The following KAZN variants were observed in gnomAD, a reference collection of about 807,000 sequenced individuals.
The protein encoded by KAZN is kazrin, periplakin interacting protein.
Under a neutral mutation model 87.4 loss-of-function variants are expected in KAZN, and 40 were observed. The observed-to-expected ratio is 0.46, with a 90% confidence interval of 0.36 to 0.60. KAZN has a LOEUF of 0.60. Among genes scored for constraint, KAZN ranks in the 20% least tolerant of loss-of-function variants. KAZN has a pLI of 0.00. For synonymous variants in KAZN, 466 were observed against 458.3 expected (o/e 1.02, Z -0.22); for missense variants, 898 against 1,073.9 (o/e 0.84, Z 2.29).
intron 2 of KAZN, among the ~76,000 whole-genome samples, chr1:14,513,368 A>C (rs1671020369): frequency 1.3e-5 from 2 of 152,088 alleles, no homozygotes; most frequent in Non-Finnish European, 1.5e-5. Flanking sequence ...TTGTTGATAG[A>C]CTTCTGTTTA....
intron 2 of KAZN, among the ~76,000 whole-genome samples, chr1:14,525,892 A>C (rs1017679218): frequency 2.0e-5 from 3 of 152,240 alleles, no homozygotes; most frequent in Non-Finnish European, 2.9e-5. Flanking sequence ...TATCTCAGCT[A>C]AGAAGCTGAA....
rs1639237867 is a variant in KAZN, at chr1:15,066,523, A to G, written c.1222+770A>G. 1 of 985,360 alleles carries G rather than the reference A, an allele frequency of 1.0e-6. No homozygotes were observed. Among genetic ancestry groups the G allele is most frequent in the Non-Finnish European group, 1.2e-6 (1 of 829,936 alleles). The allele number at this position is 985,360 out of a possible 1,614,324, so 61.0% of individuals were successfully genotyped here. A position where few individuals can be genotyped will look rare whatever the true frequency, so the allele number is the denominator to read the frequency against. ...TCAAACCGGCTCTTTTAAACGGCCT[A>G]CCAGTTTTTAAATTGCATTGCCGTT... On this transcript the variant is annotated intron_variant, in intron 8 of 14. Transcript: ENST00000376030. This position sits in a 1 kb window ranked among gnomAD's most constrained non-coding sequence, Gnocchi z 4.3.
intron 2 of KAZN, among the ~76,000 whole-genome samples, chr1:14,499,160 A>G (rs938138835): frequency 1.3e-5 from 2 of 152,066 alleles, no homozygotes; most frequent in Non-Finnish European, 2.9e-5. Context: ...CAAAGTGGAC[A>G]TCGGGTGACT....
chr1:14,522,994 C>T (rs1400858332), intron 2 of KAZN, among the ~76,000 whole-genome samples: 1 of 152,140 alleles, frequency 6.6e-6, no homozygotes, highest in Non-Finnish European at 1.5e-5. Flanking sequence ...GCCTGTAATT[C>T]CCCCAACTCC....
intron 2 of KAZN, among the ~76,000 whole-genome samples, chr1:14,329,183 C>T (rs377670910): frequency 1.3e-5 from 2 of 152,154 alleles, no homozygotes; most frequent in African/African-American, 2.4e-5. Flanking sequence ...GGATGTTCTT[C>T]CCACAAGAAA....
At chr1:14,163,611 T>G (rs575519128) in intron 1 of KAZN, among the ~76,000 whole-genome samples, 1 of 152,126 alleles carries the variant, frequency 6.6e-6, no homozygotes, top group African/African-American at 2.4e-5. Context: ...CAGCTTCAGG[T>G]GTTTTCTATG....
intron 1 of KAZN, among the ~76,000 whole-genome samples, chr1:13,983,191 G>A (rs1288933529): frequency 6.6e-6 from 1 of 152,234 alleles, no homozygotes; most frequent in Non-Finnish European, 1.5e-5. Context: ...GTGGTCGATG[G>A]GACTGGGTGC....
intron 2 of KAZN, among the ~76,000 whole-genome samples, chr1:14,362,399 C>T (rs1453414690): frequency 1.3e-5 from 2 of 152,208 alleles, no homozygotes; most frequent in African/African-American, 4.8e-5. Flanking sequence ...AAGAGAGAGA[C>T]TCTTAGCCTG....
chr1:14,082,743 G>A (rs543019445), intron 1 of KAZN, among the ~76,000 whole-genome samples: 1 of 152,246 alleles, frequency 6.6e-6, no homozygotes, highest in African/African-American at 2.4e-5. Context: ...AGCTGATCTG[G>A]ATCAGGAGCC....
chr1:13,893,972 C>G (rs367570663), intron 1 of KAZN, among the ~76,000 whole-genome samples: 1 of 152,190 alleles, frequency 6.6e-6, no homozygotes, highest in African/African-American at 2.4e-5. Flanking sequence ...TGCCATGAGA[C>G]AACGCGCTGC....
chr1:14,632,632 C>A (rs1679653960), intron 1 of KAZN, among the ~76,000 whole-genome samples: 1 of 149,994 alleles, frequency 6.7e-6, no homozygotes, highest in East Asian at 2.0e-4. Context: ...CACCCAAAGG[C>A]TACAGGTAAT....
At chr1:14,500,498 C>A (rs961573772) in intron 2 of KAZN, among the ~76,000 whole-genome samples, 1 of 151,738 alleles carries the variant, frequency 6.6e-6, no homozygotes, top group African/African-American at 2.4e-5. Context: ...TTAAAAGAAG[C>A]AAGATCTCAA....
At chr1:14,653,602 A>G (rs1293854949) in intron 1 of KAZN, among the ~76,000 whole-genome samples, 1 of 151,066 alleles carries the variant, frequency 6.6e-6, no homozygotes, top group Non-Finnish European at 1.5e-5. Context: ...GATGAAAAAC[A>G]AAAAACACTG....
intron 1 of KAZN, among the ~76,000 whole-genome samples, chr1:13,983,332 G>A (rs1050650324): frequency 6.6e-6 from 1 of 152,248 alleles, no homozygotes; most frequent in Admixed American, 6.5e-5. Context: ...AAGGCCCAGC[G>A]AGAAATCCAG....
Position 14,380,466 on chromosome 1 carries a change from T to C in KAZN, c.249+199874T>C, listed in dbSNP as rs555914687. 7.9e-5 allele frequency among the ~76,000 whole-genome samples: 12 copies of C among 152,226 alleles called. No individual in the cohort carries two copies. In the East Asian group the frequency reaches 2.3e-3, roughly 29 times the overall value. On this transcript the variant is annotated intron_variant, in intron 2 of 16. Coordinates refer to the KAZN transcript ENST00000636203. ...TGAAGAAACTTAAAGAAATTCAAGA[T>C]AACACAAAGAAGAAAATCAGAATTC...
chr1:15,069,559 G>A (rs1639415071), intron 8 of KAZN, among the ~76,000 whole-genome samples: 1 of 152,222 alleles, frequency 6.6e-6, no homozygotes, highest in Non-Finnish European at 1.5e-5. Flanking sequence ...CCCGGGAGTT[G>A]GAGCTTGCAG....
intron 2 of KAZN, among the ~76,000 whole-genome samples, chr1:14,340,055 T>G (rs1264473652): frequency 6.6e-6 from 1 of 151,992 alleles, no homozygotes; most frequent in Non-Finnish European, 1.5e-5. Context: ...TTTACATATC[T>G]GGGTGTTTCA....
chr1:14,978,966 G>A (rs1246496877), intron 2 of KAZN, among the ~76,000 whole-genome samples: 2 of 151,880 alleles, frequency 1.3e-5, no homozygotes, highest in South Asian at 2.1e-4. Context: ...GTGCAATGGC[G>A]CAATCTCGGC....
chr1:14,989,733 ATGG>A (rs967744364), intron 2 of KAZN, among the ~76,000 whole-genome samples: 4 of 152,106 alleles, frequency 2.6e-5, no homozygotes, highest in African/African-American at 9.7e-5. Flanking sequence ...AGTGCTCGGG[ATGG>A]TGGTGGGCTC....
Sources: gnomAD v4.1 joint callset for allele counts (sites outside exome capture counted in the v4.1 genomes callset) on GRCh38, gnomAD v4.1.1 for gene constraint, Gnocchi (gnomAD v3.1) non-coding constraint, MANE v1.5 for transcripts, NCBI Gene and HGNC (gene_info 2026-07-23, HGNC 2026-07-21) for gene names.